GAB1: variants seen among roughly 807,000 people sequenced by gnomAD.
GAB1 encodes GRB2-associated-binding protein 1.
Under a neutral mutation model 66.5 loss-of-function variants are expected in GAB1, and 19 were observed. The ratio of observed to expected loss-of-function variants is 0.29; its 90% CI spans 0.20 to 0.42. GAB1 has a LOEUF of 0.42. Ranked by LOEUF, GAB1 falls within the 10% of genes least tolerant of loss-of-function variation. GAB1 has a pLI of 1.00. For synonymous variants in GAB1, 294 were observed against 301.4 expected, an observed-to-expected ratio of 0.98 and a Z score of 0.25; for missense variants, 732 against 858.5, an observed-to-expected ratio of 0.85 and a Z score of 1.84.
chr4:143,438,707 C>A (rs1470629432), intron 4 of GAB1, 107 bp downstream of exon 4: 7 of 1,215,006 alleles, frequency 5.8e-6, no homozygotes, highest in Non-Finnish European at 8.0e-6. Context: ...CTACAAAATA[C>A]AGTCCATTTT....
intron 1 of GAB1, among the ~76,000 whole-genome samples, chr4:143,385,010 A>G (rs1462006251): frequency 6.6e-6 from 1 of 152,202 alleles, no homozygotes; most frequent in Non-Finnish European, 1.5e-5. Context: ...ATTGACTCGT[A>G]ATAACACAGT....
At chr4:143,392,107 AG>A (rs1731215094) in intron 1 of GAB1, among the ~76,000 whole-genome samples, 1 of 152,220 alleles carries the variant, frequency 6.6e-6, no homozygotes, top group South Asian at 2.1e-4. Context: ...GTGATCTTAA[AG>A]AGGAGGCATC....
At chr4:143,393,230 T>A (rs561814127) in intron 1 of GAB1, among the ~76,000 whole-genome samples, 2,036 of 133,624 alleles carry the variant, frequency 0.015, 28 homozygotes, top group African/African-American at 0.036. Context: ...TTTTTTTTTT[T>A]AAAAAAAAAA....
chr4:143,460,513 T>C (rs776603172), intron 8 of GAB1, 26 bp downstream of exon 8: 1 of 1,610,400 alleles, frequency 6.2e-7, no homozygotes, highest in South Asian at 1.1e-5. Flanking sequence ...ACTTTTCCCT[T>C]TCTGAGCAGC....
chr4:143,411,614 A>G (rs543300624), intron 1 of GAB1, among the ~76,000 whole-genome samples: 1 of 152,340 alleles, frequency 6.6e-6, no homozygotes, highest in Non-Finnish European at 1.5e-5. Flanking sequence ...AAGGATAAAA[A>G]TAGGACAAAC....
chr4:143,441,365 G>A (rs1227251842), intron 6 of GAB1, among the ~76,000 whole-genome samples: 2 of 152,166 alleles, frequency 1.3e-5, no homozygotes, highest in African/African-American at 4.8e-5. Context: ...CATTTGAAAA[G>A]TCTCATGTGC....
intron 1 of GAB1, among the ~76,000 whole-genome samples, chr4:143,364,867 A>C (rs1270878720): frequency 1.7e-5 from 2 of 119,530 alleles, no homozygotes; most frequent in African/African-American, 3.7e-5. Flanking sequence ...CCCTGCATCT[A>C]CTTTTTTTTT....
chr4:143,468,535 T>A (rs1735918658), intron 9 of GAB1, among the ~76,000 whole-genome samples: 1 of 151,960 alleles, frequency 6.6e-6, no homozygotes, highest in African/African-American at 2.4e-5. Context: ...ATATAATAAT[T>A]TTAAATTTAA....
At chr4:143,338,836 T>C (rs1460331309) in intron 1 of GAB1, among the ~76,000 whole-genome samples, 1 of 152,112 alleles carries the variant, frequency 6.6e-6, no homozygotes, top group African/African-American at 2.4e-5. Context: ...AAGAATAACA[T>C]ATTTGCTGAA....
intron 3 of GAB1, among the ~76,000 whole-genome samples, chr4:143,437,155 AT>A (rs3838636): frequency 0.02 from 3,081 of 152,302 alleles, 140 homozygotes; most frequent in Admixed American, 0.098. Flanking sequence ...TTAAAAAAAA[AT>A]CATAGTTATT....
intron 8 of GAB1, among the ~76,000 whole-genome samples, chr4:143,461,533 A>G (rs1016276241): frequency 6.6e-6 from 1 of 152,226 alleles, no homozygotes; most frequent in Non-Finnish European, 1.5e-5. Flanking sequence ...ACTGCCTCAT[A>G]AGGACAGTAC....
intron 1 of GAB1, among the ~76,000 whole-genome samples, chr4:143,345,333 GTAGTTCTCTTAAGT>G (rs1189697500): frequency 1.3e-5 from 2 of 152,002 alleles, no homozygotes; most frequent in Non-Finnish European, 2.9e-5. Flanking sequence ...CTTGGCCTAG[GTAGTTCTCTTAAGT>G]TATGTGTTCA....
rs1003761196 is a variant in GAB1 at position 143,473,757 on chromosome 4, A to T, written c.*4568A>T. ...TTCTATGAAAGTTTCAAACATCTCC[A>T]GTACTTTATAAAATCCCAACAATTG... On this transcript the variant is annotated 3_prime_UTR_variant, in exon 10 of 10. Coordinates refer to ENST00000262994, the MANE Select transcript of GAB1 (RefSeq NM_002039.4). The T allele has an allele frequency of 6.6e-6, 1 of 152,214 alleles. No individual in the cohort carries two copies. Among genetic ancestry groups the T allele is most frequent in the African/African-American group, 2.4e-5 (1 of 41,462 alleles). 9.4% of individuals were successfully genotyped at this position (152,214 alleles called of 1,614,324 possible). A position where few individuals can be genotyped will look rare whatever the true frequency, so the allele number is the denominator to read the frequency against.
intron 3 of GAB1, among the ~76,000 whole-genome samples, chr4:143,435,576 G>A (rs1287577457): frequency 6.6e-6 from 1 of 152,136 alleles, no homozygotes; most frequent in Non-Finnish European, 1.5e-5. Context: ...TCACCCAGAT[G>A]TATTTTGCTA....
At position 143,472,146 on chromosome 4, in the gene GAB1, T is replaced by C. The variant is rs957895081; in HGVS notation, c.*2957T>C. On this transcript the variant is annotated 3_prime_UTR_variant, in exon 10 of 10. Transcript: ENST00000262994. ...GCTGTTTAACCCATGGAAGATATCA[T>C]TTAGTAAGATGTAAAAGATTTTTTA... The C allele has an allele frequency of 2.6e-5, 4 of 152,194 alleles. No individual in the cohort carries two copies. The highest frequency in any genetic ancestry group is 9.6e-5 in the African/African-American group (4 of 41,452). 9.4% of individuals were successfully genotyped at this position (152,194 alleles called of 1,614,324 possible).
chr4:143,409,396 C>T lies in GAB1; in HGVS notation c.73-6081C>T, dbSNP rs77959589. 9.7e-4 allele frequency among the ~76,000 whole-genome samples: 146 copies of T among 149,890 alleles called. 3 individuals are homozygous for T. Among genetic ancestry groups the T allele is most frequent in the African/African-American group, 3.0e-3 (122 of 40,644 alleles). ...AACAACTTTGAACTTTCCCCCCCCC[C>T]GCTCTGAAATCTTTTCATTTAGTCT... On this transcript the variant is annotated intron_variant, in intron 1 of 9. Coordinates refer to ENST00000262994, the MANE Select transcript of GAB1 (RefSeq NM_002039.4).
intron 1 of GAB1, chr4:143,349,383 C>G: frequency 1.9e-6 from 2 of 1,037,890 alleles, no homozygotes; most frequent in Non-Finnish European, 3.0e-6. Flanking sequence ...TAAATACAGT[C>G]TCTTTCCAGA....
At position 143,472,850 on chromosome 4, in the gene GAB1, G is replaced by C. The variant is rs1330021796; in HGVS notation, c.*3661G>C. On this transcript the variant is annotated 3_prime_UTR_variant, in exon 10 of 10. Transcript: ENST00000262994. ...GTAACAACTACTGTCAATAACATCT[G>C]ATGTTACATGCACATTTATATATAT... 1 of 152,120 alleles carries C rather than the reference G, an allele frequency of 6.6e-6. No homozygotes were observed. The highest frequency in any genetic ancestry group is 1.5e-5 in the Non-Finnish European group (1 of 68,024). The allele number at this position is 152,120 out of a possible 1,614,324, so 9.4% of individuals were successfully genotyped here.
intron 7 of GAB1, 77 bp downstream of exon 7, chr4:143,459,555 T>C (rs746619047): frequency 4.9e-5 from 44 of 893,424 alleles, no homozygotes; most frequent in Admixed American, 3.6e-4. Flanking sequence ...ATGGAAAATA[T>C]CTGGAATAGT....
Sources: allele counts gnomAD v4.1 joint callset (sites outside exome capture counted in the v4.1 genomes callset), GRCh38; gene constraint gnomAD v4.1.1; transcripts MANE v1.5; gene names NCBI Gene and HGNC (gene_info 2026-07-23, HGNC 2026-07-21).